STK32C: variants seen among roughly 807,000 people sequenced by gnomAD.
The protein encoded by STK32C is serine/threonine-protein kinase 32C.
STK32C carries 31 observed loss-of-function variants against 56.5 expected under a neutral mutation model. The ratio of observed to expected loss-of-function variants is 0.55; its 90% CI spans 0.41 to 0.74. STK32C has a LOEUF of 0.74. STK32C is among the 30% of genes least tolerant of loss of function. The probability of loss-of-function intolerance (pLI) is 0.00; values close to 1 mark genes in which losing one functional copy is unlikely to be tolerated. For synonymous variants in STK32C, 309 were observed against 289.4 expected, an observed-to-expected ratio of 1.07 and a Z score of -0.69; for missense variants, 544 against 676.9, an observed-to-expected ratio of 0.80 and a Z score of 2.18.
intron 1 of STK32C, among the ~76,000 whole-genome samples, chr10:132,294,731 C>G (rs187629780): frequency 1.5e-4 from 23 of 152,288 alleles, no homozygotes; most frequent in African/African-American, 5.3e-4. Flanking sequence ...GGTCAGTGCA[C>G]CAGCCCCCGA....
At chr10:132,266,735 A>C (rs139495395) in intron 1 of STK32C, among the ~76,000 whole-genome samples, 2,640 of 150,902 alleles carry the variant, frequency 0.017, 47 homozygotes, top group South Asian at 0.064. Flanking sequence ...AAGGGAGGCT[A>C]GCTCCATGGG....
chr10:132,319,655 G>GGGCT (rs1480725842), downstream of STK32C, among the ~76,000 whole-genome samples: 2 of 152,210 alleles, frequency 1.3e-5, no homozygotes, highest in East Asian at 3.8e-4. Context: ...TGCTTCCCTA[G>GGGCT]GGCTGGGGTG....
At chr10:132,284,767 C>CT (rs1251955608) in intron 1 of STK32C, among the ~76,000 whole-genome samples, 1 of 149,886 alleles carries the variant, frequency 6.7e-6, no homozygotes, top group Admixed American at 6.6e-5. Context: ...AGAACACATT[C>CT]CCACGTCTGC....
chr10:132,232,786 C>T (rs2063147002), intron 2 of STK32C, among the ~76,000 whole-genome samples: 1 of 151,506 alleles, frequency 6.6e-6, no homozygotes, highest in Admixed American at 6.6e-5. Context: ...GGGGAGGCCA[C>T]AGCGCCACCC....
chr10:132,314,530 C>T (rs563253013), intron 1 of STK32C, among the ~76,000 whole-genome samples: 14 of 152,258 alleles, frequency 9.2e-5, no homozygotes, highest in East Asian at 1.9e-4. Context: ...AAATGGACTA[C>T]GCACTTCAAT....
chr10:132,234,874 G>A lies in STK32C; in HGVS notation c.319-6746C>T, dbSNP rs138385731. ...GGACACTTGTGCAGTATGCCCACCG[G>A]GGCAGGTGGGAAGCTTGTGTGGCAC... On this transcript the variant is annotated intron_variant, in intron 2 of 11. Transcript: ENST00000298630. Among the ~76,000 whole-genome samples the A allele has an allele frequency of 6.0e-3, 916 of 152,380 alleles. 3 individuals carry two copies. The highest frequency in any genetic ancestry group is 0.02 in the Middle Eastern group (6 of 294).
At chr10:132,256,720 C>T (rs1429096741) in intron 1 of STK32C, among the ~76,000 whole-genome samples, 1 of 152,208 alleles carries the variant, frequency 6.6e-6, no homozygotes, top group African/African-American at 2.4e-5. Context: ...GCGCAGGGCC[C>T]AGCACCCCAG....
chr10:132,330,953 A>C (rs951096920), intron 1 of STK32C, among the ~76,000 whole-genome samples: 2 of 151,510 alleles, frequency 1.3e-5, no homozygotes, highest in African/African-American at 2.4e-5. Flanking sequence ...CTGTAATCCC[A>C]GCACTTTGGG....
At chr10:132,258,900 G>T (rs1010690591) in intron 1 of STK32C, among the ~76,000 whole-genome samples, 3 of 152,276 alleles carry the variant, frequency 2.0e-5, no homozygotes, top group Admixed American at 6.5e-5. Flanking sequence ...GCAGACGGGG[G>T]TTGAGGATGA....
chr10:132,310,121 T>C (rs148360252), upstream of STK32C, among the ~76,000 whole-genome samples: 8 of 152,344 alleles, frequency 5.3e-5, no homozygotes, highest in Non-Finnish European at 8.8e-5. The surrounding 1 kb of genome is among the most constrained non-coding windows in gnomAD (Gnocchi z 4.6). Context: ...TACCAAGTCC[T>C]GCAGAAGACA....
intron 1 of STK32C, among the ~76,000 whole-genome samples, chr10:132,281,847 C>T (rs2065218021): frequency 1.3e-5 from 2 of 152,190 alleles, no homozygotes; most frequent in African/African-American, 4.8e-5. Context: ...GTGCTGAGGC[C>T]GCGGGGCAAC....
At chr10:132,217,156 G>A (rs2062498796) in intron 10 of STK32C, among the ~76,000 whole-genome samples, 1 of 152,264 alleles carries the variant, frequency 6.6e-6, no homozygotes, top group South Asian at 2.1e-4. Context: ...GTACTCTGCA[G>A]AGCCACAAGG....
At chr10:132,308,762 C>G (rs578239694), upstream of STK32C, among the ~76,000 whole-genome samples, 71 of 152,304 alleles carry the variant, frequency 4.7e-4, no homozygotes, top group Non-Finnish European at 7.4e-4. Context: ...GGCCTCGGCA[C>G]TCGGCGTATT....
intron 10 of STK32C, among the ~76,000 whole-genome samples, chr10:132,211,114 G>C (rs993806392): frequency 6.6e-6 from 1 of 152,212 alleles, no homozygotes; most frequent in Non-Finnish European, 1.5e-5. Flanking sequence ...CACGATCCTG[G>C]CAGGGGACCT....
upstream of STK32C, among the ~76,000 whole-genome samples, chr10:132,309,570 A>G (rs2066181517): frequency 6.6e-6 from 1 of 152,220 alleles, no homozygotes; most frequent in African/African-American, 2.4e-5. Flanking sequence ...CAGCCCTTGC[A>G]GCTGCGAAGC....
Position 132,208,061 on chromosome 10 carries a change from G to C in STK32C, c.1410C>G (p.Arg470=). 1 of 1,310,820 alleles carries C rather than the reference G, an allele frequency of 7.6e-7. No individual in the cohort carries two copies. Among genetic ancestry groups the C allele is most frequent in the Non-Finnish European group, 9.8e-7 (1 of 1,021,874 alleles). 81.2% of individuals were successfully genotyped at this position (1,310,820 alleles called of 1,614,324 possible). ...AAEPVEDEAE[R]SALPMCGPIC... is the part of the protein sequence containing the mutation. ...TGGGGCCGCACATGGGCAGGGCGGA[G>C]CGTTCCGCCTCGTCCTCCACAGGCT... The change falls in exon 12 of 12, where the codon CGC becomes CGG. Residue 470 remains arginine (R), a synonymous_variant. Coordinates refer to ENST00000298630, the MANE Select transcript of STK32C (RefSeq NM_173575.4).
downstream of STK32C, among the ~76,000 whole-genome samples, chr10:132,321,367 A>G (rs1295983998): frequency 1.3e-5 from 2 of 152,068 alleles, no homozygotes; most frequent in East Asian, 3.9e-4. Context: ...TAATTTTGGG[A>G]TGGTTTGTTA....
intron 1 of STK32C, among the ~76,000 whole-genome samples, chr10:132,273,885 G>A (rs1484835773): frequency 1.3e-5 from 2 of 152,062 alleles, no homozygotes; most frequent in African/African-American, 4.8e-5. Flanking sequence ...CTAAGTGAAA[G>A]ATCATAAGAG....
At chr10:132,253,498 CGAGGGAGCTGAGGGAGCT>C (rs149955231) in intron 1 of STK32C, among the ~76,000 whole-genome samples, 1 of 80,926 alleles carries the variant, frequency 1.2e-5, no homozygotes, top group Non-Finnish European at 2.5e-5. Flanking sequence ...TGGAGGGAGT[CGAGGGAGCTGAGGGAGCT>C]GAGGGAGCCG....
Sources: allele counts gnomAD v4.1 joint callset (sites outside exome capture counted in the v4.1 genomes callset), GRCh38; gene constraint gnomAD v4.1.1; non-coding constraint Gnocchi (gnomAD v3.1); transcripts MANE v1.5; gene names NCBI Gene and HGNC (gene_info 2026-07-23, HGNC 2026-07-21).